SMARCD3: variants seen among roughly 807,000 people sequenced by gnomAD.
The protein encoded by SMARCD3 is SWI/SNF-related matrix-associated actin-dependent regulator of chromatin subfamily D member 3.
SMARCD3 carries 14 observed loss-of-function variants against 58.0 expected under a neutral mutation model. That is an observed-to-expected ratio of 0.24 (90% CI 0.16 to 0.38). SMARCD3 has a LOEUF of 0.38. Among genes scored for constraint, SMARCD3 ranks in the 10% least tolerant of loss-of-function variants. The pLI, the probability that SMARCD3 is intolerant of heterozygous loss-of-function variation, is 1.00. For synonymous variants in SMARCD3, 253 were observed against 253.8 expected, an observed-to-expected ratio of 1.00 and a Z score of 0.03; for missense variants, 408 against 636.9, an observed-to-expected ratio of 0.64 and a Z score of 3.87.
At chr7:151,240,308 G>A in intron 9 of SMARCD3, 61 bp from the exon 10 acceptor site, 4 of 1,610,732 alleles carry the variant, frequency 2.5e-6, no homozygotes, top group Non-Finnish European at 2.5e-6. Context: ...AGGGCCCCGG[G>A]GCTGGGGCAG....
chr7:151,249,341 T>C (rs548745454), upstream of SMARCD3: 1 of 152,244 alleles, frequency 6.6e-6, no homozygotes, highest in African/African-American at 2.4e-5. The surrounding 1 kb of genome is among the most constrained non-coding windows in gnomAD (Gnocchi z 4.8). Flanking sequence ...TGGCAGCTTA[T>C]GTGCGTGCAG....
Position 151,243,779 on chromosome 7 carries a change from CCGA to C in SMARCD3, c.291-81_291-79del. 1.0e-6 allele frequency: 1 copy of C among 1,004,996 alleles called. No homozygotes were observed. Among genetic ancestry groups the C allele is most frequent in the Non-Finnish European group, 1.6e-6 (1 of 624,968 alleles). The allele number at this position is 1,004,996 out of a possible 1,614,324, so 62.3% of individuals were successfully genotyped here. ...TAACGAGGCCACCTGCTAGATTATC[CCGA>C]CATCTCCGCCCGCCTGGCTGGGGTT... On this transcript the variant is annotated intron_variant, in intron 2 of 12. Coordinates refer to ENST00000262188, the MANE Select transcript of SMARCD3 (RefSeq NM_001003801.2). This position sits in a 1 kb window ranked among gnomAD's most constrained non-coding sequence, Gnocchi z 4.4.
exon 2 of SMARCD3, chr7:151,275,223 C>G (rs1444643911): frequency 7.5e-7 from 1 of 1,337,774 alleles, no homozygotes; most frequent in South Asian, 1.2e-5. Flanking sequence ...GCCCACCGCG[C>G]CTGCAGCACC....
rs1485221123 is a variant in SMARCD3, at chr7:151,241,852, A to T, written c.777+25T>A. The T allele has an allele frequency of 1.3e-6, 2 of 1,583,668 alleles. No individual in the cohort carries two copies. The highest frequency in any genetic ancestry group is 8.6e-7 in the Non-Finnish European group (1 of 1,158,278). ...GCCCTGAGGGCCTTGTGTGGCGTGT[A>T]CGGGGCAGCATGGCAGGTGCAGACC... On this transcript the variant is annotated intron_variant, in intron 7 of 12. Coordinates refer to ENST00000262188, the MANE Select transcript of SMARCD3 (RefSeq NM_001003801.2). This position sits in a 1 kb window ranked among gnomAD's most constrained non-coding sequence, Gnocchi z 5.3.
chr7:151,277,109 C>T (rs1795372346), upstream of SMARCD3: 1 of 150,310 alleles, frequency 6.7e-6, no homozygotes, highest in Non-Finnish European at 1.5e-5. Flanking sequence ...CGGAGCGCGG[C>T]CGCCCGCTCC....
upstream of SMARCD3, among the ~76,000 whole-genome samples, chr7:151,249,647 T>C (rs1435426838): frequency 1.5e-5 from 1 of 67,670 alleles, no homozygotes; most frequent in Non-Finnish European, 2.8e-5. The surrounding 1 kb of genome is among the most constrained non-coding windows in gnomAD (Gnocchi z 4.8). Flanking sequence ...TTGGTTTCCT[T>C]GGGGTGGGGG....
chr7:151,250,730 A>G (rs1404080676), upstream of SMARCD3, among the ~76,000 whole-genome samples: 2 of 152,126 alleles, frequency 1.3e-5, no homozygotes, highest in Non-Finnish European at 2.9e-5. Flanking sequence ...CAAGGACATT[A>G]GCTTTGCTTT....
At chr7:151,271,653 T>C (rs1344739252) in intron 2 of SMARCD3, among the ~76,000 whole-genome samples, 1 of 152,092 alleles carries the variant, frequency 6.6e-6, no homozygotes, top group African/African-American at 2.4e-5. Flanking sequence ...GTTGTAAATA[T>C]CAATATAGAG....
At chr7:151,265,391 C>A (rs1804048118) in intron 2 of SMARCD3, among the ~76,000 whole-genome samples, 1 of 152,186 alleles carries the variant, frequency 6.6e-6, no homozygotes, top group African/African-American at 2.4e-5. Context: ...TCAGAAGGAA[C>A]CAACCCCGCT....
chr7:151,267,407 G>A (rs914827222), intron 2 of SMARCD3, among the ~76,000 whole-genome samples: 3 of 152,178 alleles, frequency 2.0e-5, no homozygotes, highest in Non-Finnish European at 4.4e-5. Context: ...CTGATCATAA[G>A]GTCCGTGTTC....
intron 8 of SMARCD3, 48 bp from the exon 9 acceptor site, chr7:151,240,570 T>C (rs1399002687): frequency 6.7e-6 from 9 of 1,350,656 alleles, no homozygotes; most frequent in Non-Finnish European, 9.5e-6. Flanking sequence ...CTTGAAGAGA[T>C]CATCATGCAG....
chr7:151,245,117 C>T lies in SMARCD3; in HGVS notation c.290+343G>A, dbSNP rs1427109347. ...CAGTCCTACACCTCTGCCCTCAGTC[C>T]CACTGGAAGCCCCGCCCCCACCCCA... is the stretch of plus-strand genomic sequence containing the variant. On this transcript the variant is annotated intron_variant, in intron 2 of 12. Coordinates refer to ENST00000262188, the MANE Select transcript of SMARCD3 (RefSeq NM_001003801.2). The surrounding 1 kb of genome is among the most constrained non-coding windows in gnomAD (Gnocchi z 6.2). 1.3e-5 allele frequency among the ~76,000 whole-genome samples: 2 copies of T among 152,154 alleles called. No individual in the cohort carries two copies. The highest frequency in any genetic ancestry group is 1.3e-4 in the Admixed American group (2 of 15,284).
In SMARCD3 at chr7:151,239,700, T is replaced by C; in HGVS notation, c.1220A>G (p.Asp407Gly). ...ESINQLKIQR[D>G]FMLSFSRDPK... ...GTCTCTGGAGAAGCTTAGCATGAAG[T>C]CCCTCTGGATCTTGAGCTGGTTTAT... is the stretch of plus-strand genomic sequence containing the variant. Residue 407 changes from aspartate to glycine, a missense_variant, in exon 11 of 13, where the codon GAC becomes GGC. Physicochemically the swap from Asp to Gly is moderately conservative, Grantham distance 94. Transcript: ENST00000262188. This position sits in a 1 kb window ranked among gnomAD's most constrained non-coding sequence, Gnocchi z 7.0. The C allele has an allele frequency of 6.2e-7, 1 of 1,613,810 alleles. No homozygotes were observed.
Position 151,248,278 on chromosome 7 carries a change from C to T in SMARCD3, c.78+207G>A, listed in dbSNP as rs1202999521. ...AAGAGCCATGCAAACGCCTCCCTTC[C>T]CCGCCTCGCGTCAGACCCGGCCGGC... is the stretch of plus-strand genomic sequence containing the variant. On this transcript the variant is annotated intron_variant, in intron 1 of 12. Transcript: ENST00000262188. The surrounding 1 kb of genome is among the most constrained non-coding windows in gnomAD (Gnocchi z 6.1). Among the ~76,000 whole-genome samples, 1 of 152,038 alleles carries T rather than the reference C, an allele frequency of 6.6e-6. No individual in the cohort carries two copies. The highest frequency in any genetic ancestry group is 2.4e-5 in the African/African-American group (1 of 41,426).
At chr7:151,258,314 A>G (rs1803771592) in intron 2 of SMARCD3, among the ~76,000 whole-genome samples, 1 of 152,108 alleles carries the variant, frequency 6.6e-6, no homozygotes, top group Non-Finnish European at 1.5e-5. Flanking sequence ...TTGGAATCCC[A>G]GCACTTTGAG....
intron 2 of SMARCD3, among the ~76,000 whole-genome samples, chr7:151,259,600 A>ATTTTTTTT (rs1563682239): frequency 2.9e-5 from 2 of 67,918 alleles, no homozygotes; most frequent in African/African-American, 7.8e-5. Context: ...ACAACCTGAG[A>ATTTTTTTT]GTTTTTTTTT....
chr7:151,261,189 C>A (rs1385890628), intron 2 of SMARCD3, among the ~76,000 whole-genome samples: 1 of 152,222 alleles, frequency 6.6e-6, no homozygotes, highest in African/African-American at 2.4e-5. Context: ...AGCCTGGATT[C>A]TAGAACAGGG....
rs1802804069 is a variant in SMARCD3 at position 151,238,986 on chromosome 7, A to C, written c.*117T>G. On this transcript the variant is annotated 3_prime_UTR_variant, in exon 13 of 13. Transcript: ENST00000262188. Reference sequence around the variant, plus strand: ...CCACACGGCTGCTGTCAGATGAATGACTTTTAATCCAGCCCCACACCCCAA... The same window carrying C: ...CCACACGGCTGCTGTCAGATGAATGCCTTTTAATCCAGCCCCACACCCCAA... 1 of 1,181,148 alleles carries C rather than the reference A, an allele frequency of 8.5e-7. No individual in the cohort carries two copies. The highest frequency in any genetic ancestry group is 1.7e-5 in the Admixed American group (1 of 58,218). 73.2% of individuals were successfully genotyped at this position (1,181,148 alleles called of 1,614,324 possible).
In SMARCD3 at chr7:151,245,080, C is replaced by T. The variant is rs886960024; in HGVS notation, c.290+380G>A. On this transcript the variant is annotated intron_variant, in intron 2 of 12. Transcript: ENST00000262188. This position sits in a 1 kb window ranked among gnomAD's most constrained non-coding sequence, Gnocchi z 6.2. ...CAGGAAGGCTCAGCGGAGAACCACA[C>T]TTTGGGGAACACAGTCCTACACCTC... Among the ~76,000 whole-genome samples the T allele has an allele frequency of 1.5e-4, 23 of 152,214 alleles. No homozygotes were observed. Among genetic ancestry groups the T allele is most frequent in the Non-Finnish European group, 2.6e-4 (18 of 68,040 alleles).
Sources: gnomAD v4.1 joint callset for allele counts (sites outside exome capture counted in the v4.1 genomes callset) on GRCh38, gnomAD v4.1.1 for gene constraint, Gnocchi (gnomAD v3.1) non-coding constraint, MANE v1.5 for transcripts, NCBI Gene and HGNC (gene_info 2026-07-23, HGNC 2026-07-21) for gene names.